CSNK2A2IP: variants seen among roughly 807,000 people sequenced by gnomAD.
The protein encoded by CSNK2A2IP is casein kinase II subunit alpha'-interacting protein.
the CSNK2A2IP span, chr3:88,343,076 T>C: frequency 6.6e-6 from 1 of 152,050 alleles, no homozygotes; most frequent in Non-Finnish European, 1.5e-5. Context: ...ATTTACGCCA[T>C]GGGTTGCTGC....
At chr3:88,373,998 C>T in the CSNK2A2IP span, among the ~76,000 whole-genome samples, 1 of 151,542 alleles carries the variant, frequency 6.6e-6, no homozygotes, top group African/African-American at 2.4e-5. Context: ...TCAAGGAACT[C>T]TAGGTATGTA....
the CSNK2A2IP span, among the ~76,000 whole-genome samples, chr3:88,339,312 C>A: frequency 6.6e-6 from 1 of 151,832 alleles, no homozygotes; most frequent in Non-Finnish European, 1.5e-5. Flanking sequence ...TCTTTCTGTG[C>A]CTGACTAATT....
chr3:88,465,701 A>T, the CSNK2A2IP span: 2 of 1,231,562 alleles, frequency 1.6e-6, no homozygotes, highest in African/African-American at 3.1e-5. Flanking sequence ...TGGCCTGCTC[A>T]AAGAGCCCTG....
At chr3:88,419,496 C>T in the CSNK2A2IP span, among the ~76,000 whole-genome samples, 1 of 152,052 alleles carries the variant, frequency 6.6e-6, no homozygotes, top group Non-Finnish European at 1.5e-5. Context: ...TTTCTTTATC[C>T]AGTTCACCAT....
the CSNK2A2IP span, among the ~76,000 whole-genome samples, chr3:88,353,075 C>G: frequency 1.3e-5 from 2 of 152,210 alleles, no homozygotes; most frequent in East Asian, 3.9e-4. Context: ...AAATACTTCC[C>G]TTTGTTATCT....
the CSNK2A2IP span, among the ~76,000 whole-genome samples, chr3:88,463,693 C>T: frequency 1.3e-5 from 2 of 152,134 alleles, no homozygotes; most frequent in Admixed American, 6.5e-5. Flanking sequence ...AACACTTTTA[C>T]ACTGTTGGTG....
the CSNK2A2IP span, among the ~76,000 whole-genome samples, chr3:88,454,203 T>C: frequency 6.6e-6 from 1 of 152,012 alleles, no homozygotes; most frequent in Non-Finnish European, 1.5e-5. Flanking sequence ...CATATTTTCA[T>C]GTACTTACAT....
At chr3:88,359,114 C>T in the CSNK2A2IP span, among the ~76,000 whole-genome samples, 27 of 151,512 alleles carry the variant, frequency 1.8e-4, no homozygotes, top group South Asian at 1.5e-3. Flanking sequence ...TTTTCAGATT[C>T]GTATTTTTCA....
At chr3:88,439,740 C>CAAAAA in the CSNK2A2IP span, among the ~76,000 whole-genome samples, 788 of 119,886 alleles carry the variant, frequency 6.6e-3, 16 homozygotes, top group African/African-American at 0.025. Context: ...GACTCTGTCT[C>CAAAAA]AAAAAAAAAA....
chr3:88,464,643 T>C, the CSNK2A2IP span, among the ~76,000 whole-genome samples: 1 of 152,142 alleles, frequency 6.6e-6, no homozygotes, highest in Non-Finnish European at 1.5e-5. Flanking sequence ...TAAAAGATGA[T>C]AGTCATGGGT....
chr3:88,363,701 T>A, the CSNK2A2IP span, among the ~76,000 whole-genome samples: 4 of 152,220 alleles, frequency 2.6e-5, no homozygotes, highest in African/African-American at 9.6e-5. Context: ...TTAAGTTACT[T>A]GGAAACAGTT....
chr3:88,350,723 A>C, the CSNK2A2IP span, among the ~76,000 whole-genome samples: 3 of 151,984 alleles, frequency 2.0e-5, no homozygotes, highest in Non-Finnish European at 4.4e-5. Flanking sequence ...CAAAATAAAC[A>C]TAAAGAAACC....
the CSNK2A2IP span, among the ~76,000 whole-genome samples, chr3:88,408,701 G>A: frequency 2.6e-5 from 4 of 151,944 alleles, no homozygotes; most frequent in Non-Finnish European, 5.9e-5. Context: ...CCCATTGAAA[G>A]GGGGGCCACT....
At chr3:88,453,541 A>G in the CSNK2A2IP span, among the ~76,000 whole-genome samples, 17 of 152,092 alleles carry the variant, frequency 1.1e-4, no homozygotes, top group East Asian at 3.8e-4. Context: ...TTTTTATTGT[A>G]TGGGTTCCCT....
chr3:88,396,315 C>A, the CSNK2A2IP span, among the ~76,000 whole-genome samples: 2 of 151,884 alleles, frequency 1.3e-5, no homozygotes, highest in African/African-American at 4.8e-5. Context: ...CCGTGTTAGC[C>A]AGGATGGTCT....
At chr3:88,432,250 A>T in the CSNK2A2IP span, among the ~76,000 whole-genome samples, 1 of 151,932 alleles carries the variant, frequency 6.6e-6, no homozygotes, top group African/African-American at 2.4e-5. Flanking sequence ...ATGTTTTAGG[A>T]AACAATTTTA....
At chr3:88,418,459 T>C in the CSNK2A2IP span, among the ~76,000 whole-genome samples, 5 of 80,762 alleles carry the variant, frequency 6.2e-5, no homozygotes, top group East Asian at 7.3e-4. Context: ...TGTGTGTGTG[T>C]GTGTGCGCGC....
the CSNK2A2IP span, among the ~76,000 whole-genome samples, chr3:88,386,433 T>G: frequency 6.6e-6 from 1 of 152,208 alleles, no homozygotes; most frequent in African/African-American, 2.4e-5. Context: ...GCCGCAATAC[T>G]CAATTTCTCA....
the CSNK2A2IP span, among the ~76,000 whole-genome samples, chr3:88,379,227 C>G: frequency 3.9e-3 from 597 of 152,152 alleles, 3 homozygotes; most frequent in Non-Finnish European, 6.6e-3. Flanking sequence ...CCGTGTGGCA[C>G]AGACCTTTGT....
Sources: allele counts gnomAD v4.1 joint callset (sites outside exome capture counted in the v4.1 genomes callset), GRCh38; gene constraint gnomAD v4.1.1; transcripts MANE v1.5; gene names NCBI Gene and HGNC (gene_info 2026-07-23, HGNC 2026-07-21).